The following CD99L2 variants were observed in gnomAD, a reference collection of about 807,000 sequenced individuals.
CD99L2 encodes CD99 antigen-like protein 2.
Under a neutral mutation model 27.3 loss-of-function variants are expected in CD99L2, and 24 were observed. The observed-to-expected ratio is 0.88, with a 90% CI of 0.64 to 1.24. The LOEUF (loss-of-function observed/expected upper bound fraction) is 1.24, where lower values mean the gene tolerates loss of function less well. Ranked by LOEUF, CD99L2 falls within the 50% of genes most tolerant of loss-of-function variation. The pLI, the probability that CD99L2 is intolerant of heterozygous loss-of-function variation, is 0.00. For synonymous variants in CD99L2, 97 were observed against 87.9 expected, an observed-to-expected ratio of 1.10 and a Z score of -0.58; for missense variants, 255 against 221.6, an observed-to-expected ratio of 1.15 and a Z score of -0.96.
intron 2 of CD99L2, among the ~76,000 whole-genome samples, chrX:150,823,068 T>C (rs2046264779): frequency 8.9e-6 from 1 of 112,113 alleles, no homozygotes; most frequent in Non-Finnish European, 1.9e-5. Flanking sequence ...ATGAAGGACA[T>C]GTTTGCTTCT....
In CD99L2 at chrX:150,841,720, T is replaced by C. The variant is rs782678586; in HGVS notation, c.68-10427A>G. 9.8e-5 allele frequency among the ~76,000 whole-genome samples: 11 copies of C among 111,702 alleles called. No homozygotes were observed. The South Asian group carries it at 4.2e-3, about 43-fold the overall frequency. On this transcript the variant is annotated intron_variant, in intron 1 of 10. Transcript: ENST00000370377. ...AGGAACATAACACAATGTTGTGCTA[T>C]GTACCCATCCCTTGTTGACCTTGGA...
intron 4 of CD99L2, among the ~76,000 whole-genome samples, chrX:150,798,232 GGAAGGAAGGA>G (rs2045843291): frequency 6.8e-5 from 2 of 29,478 alleles, no homozygotes; most frequent in African/African-American, 3.0e-4. Context: ...AAGGAAGGAA[GGAAGGAAGGA>G]AGGAAGGGAG....
chrX:150,798,451 A>T (rs1228213045), intron 4 of CD99L2, among the ~76,000 whole-genome samples: 1 of 111,266 alleles, frequency 9.0e-6, no homozygotes, highest in African/African-American at 3.3e-5. Context: ...AGTCTTTTCA[A>T]CAAATGGTGC....
intron 2 of CD99L2, among the ~76,000 whole-genome samples, chrX:150,830,049 G>C (rs4568728): frequency 0.2 from 21,683 of 109,530 alleles, 1,716 homozygotes; most frequent in African/African-American, 0.28. Flanking sequence ...CAGCTACTTG[G>C]GAGGCTGAGG....
In CD99L2 at chrX:150,768,891, CCAGAGCTCATCCGGGAAACT is replaced by C; in HGVS notation, c.*123_*142del. 2.8e-6 allele frequency: 3 copies of C among 1,055,287 alleles called. No homozygotes were observed. In the Admixed American group the frequency reaches 1.2e-4, roughly 44 times the overall value. The allele number at this position is 1,055,287 out of a possible 1,213,427, so 87.0% of individuals were successfully genotyped here. A position where few individuals can be genotyped will look rare whatever the true frequency, so the allele number is the denominator to read the frequency against. ...GCAGAGAAACCAAACTCACAAACACCCAGAGCTCATCCGGGAAACTCAGACCAACAAGGAGCCGATGGCAC... is the reference window on the plus strand; with the variant it reads ...GCAGAGAAACCAAACTCACAAACACCCAGACCAACAAGGAGCCGATGGCAC... On this transcript the variant is annotated 3_prime_UTR_variant, in exon 11 of 11. Coordinates refer to ENST00000370377, the MANE Select transcript of CD99L2 (RefSeq NM_031462.4).
At chrX:150,897,197 T>C (rs1280134844) in intron 1 of CD99L2, among the ~76,000 whole-genome samples, 2 of 112,510 alleles carry the variant, frequency 1.8e-5, no homozygotes, top group Non-Finnish European at 3.7e-5. Flanking sequence ...ATTCAACAAC[T>C]CTTTACCCCT....
chrX:150,822,645 CA>C (rs1174270945), intron 2 of CD99L2, among the ~76,000 whole-genome samples: 1 of 110,584 alleles, frequency 9.0e-6, no homozygotes, highest in Non-Finnish European at 1.9e-5. Flanking sequence ...TCTTGTCCAA[CA>C]AAAAAAATGG....
At chrX:150,828,609 T>A (rs782812344) in intron 2 of CD99L2, 10 of 111,743 alleles carry the variant, frequency 8.9e-5, no homozygotes, top group Non-Finnish European at 1.9e-4. Flanking sequence ...ATGTGAACAA[T>A]TTACCAAAGA....
intron 1 of CD99L2, among the ~76,000 whole-genome samples, chrX:150,848,111 G>GC (rs372216723): frequency 0.18 from 16,817 of 93,225 alleles, 1,493 homozygotes; most frequent in African/African-American, 0.2. Flanking sequence ...TGGCCTGCAG[G>GC]CCCCCCCCCC....
chrX:150,805,715 A>G (rs2045984176), intron 4 of CD99L2, among the ~76,000 whole-genome samples: 1 of 111,933 alleles, frequency 8.9e-6, no homozygotes, highest in African/African-American at 3.2e-5. Flanking sequence ...CAGTGAGGAA[A>G]AGCAACAAAT....
At chrX:150,809,281 T>C (rs1396434681) in intron 4 of CD99L2, among the ~76,000 whole-genome samples, 1 of 111,379 alleles carries the variant, frequency 9.0e-6, no homozygotes, top group Non-Finnish European at 1.9e-5. Context: ...TATGAAGTAA[T>C]ATAATATCAA....
At chrX:150,836,388 G>A in intron 1 of CD99L2, among the ~76,000 whole-genome samples, 1 of 110,599 alleles carries the variant, frequency 9.0e-6, no homozygotes, top group East Asian at 2.8e-4. Context: ...TTGTTGCCGA[G>A]GCTGGAGTGC....
At chrX:150,812,170 C>T (rs959474344) in intron 4 of CD99L2, among the ~76,000 whole-genome samples, 4 of 110,538 alleles carry the variant, frequency 3.6e-5, no homozygotes, top group Non-Finnish European at 7.6e-5. Flanking sequence ...TGGACACACA[C>T]AAAAAAAAGT....
In CD99L2 at chrX:150,787,507, A is replaced by G. The variant is rs959019600; in HGVS notation, c.496+6184T>C. Among the ~76,000 whole-genome samples the G allele has an allele frequency of 6.3e-5, 7 of 111,107 alleles. No homozygotes were observed. The Admixed American group carries it at 6.7e-4, about 11-fold the overall frequency. Reference sequence around the variant, plus strand: ...GTCCTAACCAACCCAAATGTCCATCAATGATAGACTGGATTAAGAAAATGT... The same window carrying G: ...GTCCTAACCAACCCAAATGTCCATCGATGATAGACTGGATTAAGAAAATGT... On this transcript the variant is annotated intron_variant, in intron 7 of 10. Coordinates refer to ENST00000370377, the MANE Select transcript of CD99L2 (RefSeq NM_031462.4).
At chrX:150,804,343 A>T (rs782008543) in intron 4 of CD99L2, among the ~76,000 whole-genome samples, 1 of 112,681 alleles carries the variant, frequency 8.9e-6, no homozygotes, top group East Asian at 2.8e-4. Context: ...GAAATCAAAA[A>T]AATTTTTGAG....
At chrX:150,830,853 G>C (rs2046433083) in intron 2 of CD99L2, among the ~76,000 whole-genome samples, 1 of 110,248 alleles carries the variant, frequency 9.1e-6, no homozygotes, top group African/African-American at 3.3e-5. Context: ...TCATCACCCA[G>C]GCTGGAGTGC....
intron 1 of CD99L2, among the ~76,000 whole-genome samples, chrX:150,846,912 C>T (rs982013484): frequency 6.2e-5 from 7 of 112,425 alleles, no homozygotes; most frequent in African/African-American, 1.9e-4. Context: ...ATCCTGTGTA[C>T]TTTCTTAAGT....
chrX:150,845,422 T>C (rs2046687416), intron 1 of CD99L2, among the ~76,000 whole-genome samples: 1 of 112,063 alleles, frequency 8.9e-6, no homozygotes, highest in African/African-American at 3.2e-5. Context: ...GTGAATTTTA[T>C]GTTTTGTGAA....
chrX:150,790,872 T>C (rs1249740224), intron 7 of CD99L2, among the ~76,000 whole-genome samples: 1 of 112,230 alleles, frequency 8.9e-6, no homozygotes. Flanking sequence ...TGAACATTTG[T>C]ATCCCGTCTC....
Sources: allele counts gnomAD v4.1 joint callset (sites outside exome capture counted in the v4.1 genomes callset), GRCh38; gene constraint gnomAD v4.1.1; transcripts MANE v1.5; gene names NCBI Gene and HGNC (gene_info 2026-07-23, HGNC 2026-07-21).